Variants in BAZ2B observed in about 807,000 individuals in gnomAD.
BAZ2B encodes the protein bromodomain adjacent to zinc finger domain protein 2B.
A neutral mutation model predicts 246.0 loss-of-function variants in BAZ2B; 91 were observed. The ratio of observed to expected loss-of-function variants is 0.37; its 90% CI spans 0.31 to 0.44. The LOEUF is 0.44. BAZ2B is among the 20% of genes least tolerant of loss of function. BAZ2B has a pLI of 1.00. For missense variants in BAZ2B, 2,332 were observed against 2,533.7 expected (o/e 0.92, Z 1.71); for synonymous variants, 855 against 860.0 (o/e 0.99, Z 0.10).
chr2:159,403,868 A>C (rs2065485510), intron 16 of BAZ2B, among the ~76,000 whole-genome samples: 1 of 152,166 alleles, frequency 6.6e-6, no homozygotes, highest in Non-Finnish European at 1.5e-5. Flanking sequence ...CTTAAGGGTT[A>C]AGCCATTCAT....
At chr2:159,386,109 C>T (rs2062627678) in intron 22 of BAZ2B, among the ~76,000 whole-genome samples, 1 of 152,038 alleles carries the variant, frequency 6.6e-6, no homozygotes, top group South Asian at 2.1e-4. Context: ...CCTTAAATCA[C>T]CTTGGTCTTT....
the BAZ2B span, among the ~76,000 whole-genome samples, chr2:159,632,132 G>A: frequency 6.6e-6 from 1 of 152,146 alleles, no homozygotes; most frequent in Non-Finnish European, 1.5e-5. Flanking sequence ...AATAGAGAAA[G>A]TTTTTGAAGT....
intron 33 of BAZ2B, among the ~76,000 whole-genome samples, chr2:159,334,871 C>T (rs79019600): frequency 0.013 from 1,928 of 151,930 alleles, 46 homozygotes; most frequent in African/African-American, 0.044. Flanking sequence ...AATATAAATA[C>T]AAATTTCATT....
intron 13 of BAZ2B, among the ~76,000 whole-genome samples, chr2:159,427,549 A>G (rs1374428138): frequency 6.6e-6 from 1 of 152,186 alleles, no homozygotes; most frequent in African/African-American, 2.4e-5. Flanking sequence ...TAGGGCATAC[A>G]TATCCTCTTT....
chr2:159,325,548 T>C, intron 35 of BAZ2B, 105 bp downstream of exon 35: 2 of 1,256,084 alleles, frequency 1.6e-6, no homozygotes, highest in Non-Finnish European at 2.2e-6. Flanking sequence ...TACATTTTTT[T>C]ATTTACATAA....
chr2:159,350,198 A>G lies in BAZ2B; in HGVS notation c.4373T>C (p.Leu1458Pro), dbSNP rs749356036. ...AAAAGAGCCAGGTTTCTGAAGGAATAGATTTGTGTTATCTTTTTCTTTAAG... is the reference window on the plus strand; with the variant it reads ...AAAAGAGCCAGGTTTCTGAAGGAATGGATTTGTGTTATCTTTTTCTTTAAG... ...EDLKEKDNTN[L>P]FLQKPGSFSK... The change falls in exon 28 of 37, where the codon CTA (leucine) becomes CCA (proline). Residue 1458 changes from leucine to proline, a missense_variant. Leu to Pro is a moderately conservative substitution (Grantham distance 98). Around this residue, in one of 9 missense-constraint regions of BAZ2B, gnomAD observed 676 missense variants for 668.6 expected, o/e 1.01. Transcript: ENST00000392783. 1.2e-6 allele frequency: 2 copies of G among 1,614,062 alleles called. No homozygotes were observed. Among genetic ancestry groups the G allele is most frequent in the South Asian group, 2.2e-5 (2 of 91,086 alleles).
chr2:159,342,920 T>A (rs2066999452), intron 31 of BAZ2B, among the ~76,000 whole-genome samples: 1 of 152,178 alleles, frequency 6.6e-6, no homozygotes, highest in Non-Finnish European at 1.5e-5. Flanking sequence ...GAAAAAATAT[T>A]AAACTTTGTG....
chr2:159,687,608 C>T, the BAZ2B span, among the ~76,000 whole-genome samples: 1 of 152,230 alleles, frequency 6.6e-6, no homozygotes, highest in African/African-American at 2.4e-5. Context: ...CCAGACCTCA[C>T]CCTATATGCC....
At chr2:159,489,883 A>T (rs1377325876) in intron 2 of BAZ2B, among the ~76,000 whole-genome samples, 2 of 152,210 alleles carry the variant, frequency 1.3e-5, no homozygotes, top group African/African-American at 2.4e-5. Context: ...ACTGCACTCC[A>T]GCCAGGGTGA....
At chr2:159,361,771 A>G (rs532831065) in intron 27 of BAZ2B, among the ~76,000 whole-genome samples, 5 of 152,222 alleles carry the variant, frequency 3.3e-5, no homozygotes, top group Admixed American at 6.5e-5. Flanking sequence ...AATACTATGC[A>G]GCCATAAAAA....
intron 1 of BAZ2B, among the ~76,000 whole-genome samples, chr2:159,559,979 C>T (rs988858952): frequency 6.6e-6 from 1 of 152,152 alleles, no homozygotes; most frequent in Non-Finnish European, 1.5e-5. Flanking sequence ...TGTTACCTAA[C>T]TACCAATGTG....
intron 2 of BAZ2B, among the ~76,000 whole-genome samples, chr2:159,554,689 A>C (rs560491900): frequency 6.6e-6 from 1 of 152,274 alleles, no homozygotes; most frequent in East Asian, 1.9e-4. Context: ...TTAATGAGTT[A>C]AATTAAAACA....
At chr2:159,639,227 C>A in the BAZ2B span, among the ~76,000 whole-genome samples, 25 of 152,090 alleles carry the variant, frequency 1.6e-4, no homozygotes, top group African/African-American at 5.1e-4. Context: ...AAAGATGTTC[C>A]CAGACAGACG....
At position 159,448,456 on chromosome 2, in the gene BAZ2B, T is replaced by A. The variant is rs764937523; in HGVS notation, c.335-47A>T. ...CAAACAAAAATATATAAATTAACTT[T>A]CCAGTTAACGTCACAATGGCTTTCT... On this transcript the variant is annotated intron_variant, in intron 4 of 36. Transcript: ENST00000392783. 2.0e-6 allele frequency: 3 copies of A among 1,504,546 alleles called. 1 individual carries two copies. The highest frequency in any genetic ancestry group is 2.7e-6 in the Non-Finnish European group (3 of 1,131,720). 93.2% of individuals were successfully genotyped at this position (1,504,546 alleles called of 1,614,324 possible).
chr2:159,443,611 T>G (rs1293463126), intron 6 of BAZ2B, among the ~76,000 whole-genome samples: 1 of 152,238 alleles, frequency 6.6e-6, no homozygotes, highest in Non-Finnish European at 1.5e-5. Flanking sequence ...AAACCCATGC[T>G]GAACCACATA....
intron 3 of BAZ2B, among the ~76,000 whole-genome samples, chr2:159,471,246 AG>A (rs1402339659): frequency 6.6e-6 from 1 of 152,126 alleles, no homozygotes; most frequent in Non-Finnish European, 1.5e-5. Flanking sequence ...TCCTTTCAGA[AG>A]TTGGGCTGTG....
chr2:159,603,618 A>G (rs1578854218), intron 1 of BAZ2B, among the ~76,000 whole-genome samples: 1 of 151,874 alleles, frequency 6.6e-6, no homozygotes, highest in South Asian at 2.1e-4. Context: ...AAAAAAAATC[A>G]TCTTCCTATA....
intron 5 of BAZ2B, among the ~76,000 whole-genome samples, chr2:159,447,913 C>A (rs1231998999): frequency 2.0e-5 from 3 of 151,914 alleles, no homozygotes; most frequent in African/African-American, 7.2e-5. Context: ...AGAAGGTGGC[C>A]AGAAGTTTGA....
chr2:159,526,952 CTTTT>C (rs754477480), intron 2 of BAZ2B, among the ~76,000 whole-genome samples: 1 of 140,672 alleles, frequency 7.1e-6, no homozygotes, highest in Non-Finnish European at 1.6e-5. Context: ...GTGTTTCTTC[CTTTT>C]TTTTTTTTTG....
Sources: gnomAD v4.1 joint callset for allele counts (sites outside exome capture counted in the v4.1 genomes callset) on GRCh38, gnomAD v4.1.1 for gene constraint, gnomAD v4.1.1 regional missense constraint, MANE v1.5 for transcripts, NCBI Gene and HGNC (gene_info 2026-07-23, HGNC 2026-07-21) for gene names.